Variants in GLI3 observed in about 807,000 individuals in gnomAD.
GLI3 encodes GLI family zinc finger 3, also known as transcription activator GLI3.
In GLI3, 20 loss-of-function variants were observed where a neutral mutation model predicts 100.8. The observed-to-expected ratio is 0.20, with a 90% confidence interval of 0.14 to 0.29. The LOEUF (loss-of-function observed/expected upper bound fraction) is 0.29, where lower values mean the gene tolerates loss of function less well. GLI3 is among the 10% of genes least tolerant of loss of function. The pLI is 1.00. For synonymous variants in GLI3, 938 were observed against 860.5 expected (o/e 1.09, Z -1.58); for missense variants, 2,040 against 2,128.5 (o/e 0.96, Z 0.82).
chr7:42,172,004 C>T (rs1013346720), intron 2 of GLI3, among the ~76,000 whole-genome samples: 1 of 152,014 alleles, frequency 6.6e-6, no homozygotes, highest in Non-Finnish European at 1.5e-5. Context: ...CTATAGGACT[C>T]GTGCACATTC....
At position 42,002,280 on chromosome 7, in the gene GLI3, T is replaced by C. The variant is rs1442739074; in HGVS notation, c.1497+21188A>G. Among the ~76,000 whole-genome samples the C allele has an allele frequency of 3.9e-5, 6 of 152,198 alleles. No homozygotes were observed. In the East Asian group the frequency reaches 1.2e-3, roughly 29 times the overall value. On this transcript the variant is annotated intron_variant, in intron 10 of 14. Coordinates refer to ENST00000395925, the MANE Select transcript of GLI3 (RefSeq NM_000168.6). Reference sequence around the variant, plus strand: ...AAACAGATGAATATATTAGTGATAATAATCTTGATATTAAACAAATTAGAC... The same window carrying C: ...AAACAGATGAATATATTAGTGATAACAATCTTGATATTAAACAAATTAGAC...
chr7:42,064,996 G>A (rs1028513542), intron 4 of GLI3, among the ~76,000 whole-genome samples: 1 of 152,006 alleles, frequency 6.6e-6, no homozygotes, highest in Non-Finnish European at 1.5e-5. Context: ...AAGAAAAGAA[G>A]AGGATACCAA....
At chr7:42,223,003 C>G in intron 2 of GLI3, 127 bp downstream of exon 2, 2 of 1,146,354 alleles carry the variant, frequency 1.7e-6, no homozygotes, top group Non-Finnish European at 2.6e-6. Context: ...CGCCCCTGCT[C>G]CATTTGCTTT....
chr7:42,095,958 G>C (rs1423664016), intron 3 of GLI3, among the ~76,000 whole-genome samples: 4 of 152,168 alleles, frequency 2.6e-5, no homozygotes, highest in Non-Finnish European at 5.9e-5. Context: ...GCAGAGTTGT[G>C]CAAGGAGGAA....
intron 3 of GLI3, among the ~76,000 whole-genome samples, chr7:42,144,233 T>A (rs959287942): frequency 2.0e-5 from 3 of 152,152 alleles, no homozygotes; most frequent in African/African-American, 7.2e-5. Flanking sequence ...AGAAGAAAAT[T>A]GCTGAGGAAT....
At chr7:42,132,308 G>A (rs545927268) in intron 3 of GLI3, among the ~76,000 whole-genome samples, 1 of 151,832 alleles carries the variant, frequency 6.6e-6, no homozygotes, top group Non-Finnish European at 1.5e-5. Context: ...CACCATGTTA[G>A]CCAGGATGGT....
chr7:42,081,800 CAGTT>C (rs1339743884), intron 3 of GLI3, among the ~76,000 whole-genome samples: 2 of 152,076 alleles, frequency 1.3e-5, no homozygotes, highest in African/African-American at 2.4e-5. Context: ...CAAAGTCTCT[CAGTT>C]AGTGCCCTGA....
At chr7:42,215,230 C>T (rs144639594) in intron 2 of GLI3, among the ~76,000 whole-genome samples, 2 of 152,088 alleles carry the variant, frequency 1.3e-5, no homozygotes, top group East Asian at 1.9e-4. Context: ...TGTGAACTTA[C>T]GGATTTTCAA....
chr7:42,183,707 T>G (rs1045100063), intron 2 of GLI3, among the ~76,000 whole-genome samples: 5 of 152,178 alleles, frequency 3.3e-5, no homozygotes, highest in African/African-American at 1.2e-4. Context: ...TTATATTTGC[T>G]CAAGTCAAAA....
chr7:42,169,716 C>T (rs1448752115), intron 2 of GLI3, among the ~76,000 whole-genome samples: 1 of 151,420 alleles, frequency 6.6e-6, no homozygotes, highest in Non-Finnish European at 1.5e-5. Flanking sequence ...AAATGCCCAA[C>T]AATAGAAGAT....
chr7:42,063,958 A>G (rs1784623925), intron 4 of GLI3, among the ~76,000 whole-genome samples: 1 of 152,202 alleles, frequency 6.6e-6, no homozygotes, highest in Non-Finnish European at 1.5e-5. Context: ...AACATTATTG[A>G]GGCTTTTAAT....
chr7:42,106,357 T>C (rs1470794503), intron 3 of GLI3, among the ~76,000 whole-genome samples: 2 of 152,118 alleles, frequency 1.3e-5, no homozygotes, highest in African/African-American at 4.8e-5. Flanking sequence ...CCCACCCCTC[T>C]TGCTCCTGCA....
intron 13 of GLI3, among the ~76,000 whole-genome samples, chr7:41,968,584 CTTGCT>C (rs1440241233): frequency 1.3e-5 from 2 of 151,916 alleles, no homozygotes; most frequent in Non-Finnish European, 2.9e-5. Context: ...TCCACATTTT[CTTGCT>C]TTTGTAGAAC....
At chr7:42,010,245 T>C (rs1011088072) in intron 10 of GLI3, among the ~76,000 whole-genome samples, 1 of 152,194 alleles carries the variant, frequency 6.6e-6, no homozygotes, top group Non-Finnish European at 1.5e-5. Context: ...CTGAGAGCTG[T>C]TTCCCTCTGG....
At chr7:42,058,411 TA>T (rs1385328148) in intron 4 of GLI3, among the ~76,000 whole-genome samples, 1 of 152,282 alleles carries the variant, frequency 6.6e-6, no homozygotes, top group Non-Finnish European at 1.5e-5. Context: ...AATAATTTTT[TA>T]AAAGGATACA....
intron 2 of GLI3, among the ~76,000 whole-genome samples, chr7:42,222,223 G>A (rs573693493): frequency 1.3e-5 from 2 of 152,310 alleles, no homozygotes; most frequent in East Asian, 3.9e-4. Context: ...ACCTGTCTTG[G>A]AATATAGAAA....
In GLI3 at chr7:42,152,446, A is replaced by G. The variant is rs375858317; in HGVS notation, c.125-3978T>C. The G allele has an allele frequency of 4.2e-4, 411 of 984,962 alleles. 3 individuals are homozygous for G. In the African/African-American group the frequency reaches 6.8e-3, roughly 16 times the overall value. 61.0% of individuals were successfully genotyped at this position (984,962 alleles called of 1,614,324 possible). On this transcript the variant is annotated intron_variant, in intron 2 of 14. Coordinates refer to ENST00000395925, the MANE Select transcript of GLI3 (RefSeq NM_000168.6). Reference sequence around the variant, plus strand: ...CAGACCCTCTAGGAACATTCTCGGTATCTCTCTGCCTCCCTCTCCCTCTCC... The same window carrying G: ...CAGACCCTCTAGGAACATTCTCGGTGTCTCTCTGCCTCCCTCTCCCTCTCC...
intron 1 of GLI3, among the ~76,000 whole-genome samples, chr7:42,228,772 T>A (rs1316455988): frequency 1.3e-5 from 2 of 152,194 alleles, no homozygotes; most frequent in Non-Finnish European, 2.9e-5. Flanking sequence ...TGGCCCCCAA[T>A]GTGTTTTTCT....
chr7:42,039,976 G>T, intron 7 of GLI3, 62 bp downstream of exon 7: 1 of 1,241,274 alleles, frequency 8.1e-7, no homozygotes, highest in Non-Finnish European at 1.2e-6. Flanking sequence ...CATCACTACA[G>T]GTGCAAACAA....
Sources: gnomAD v4.1 joint callset for allele counts (sites outside exome capture counted in the v4.1 genomes callset) on GRCh38, gnomAD v4.1.1 for gene constraint, MANE v1.5 for transcripts, NCBI Gene and HGNC (gene_info 2026-07-23, HGNC 2026-07-21) for gene names.